LMO1: variants seen among roughly 807,000 people sequenced by gnomAD.
LMO1 encodes rhombotin-1.
LMO1 carries 10 observed loss-of-function variants against 18.0 expected under a neutral mutation model. The ratio of observed to expected loss-of-function variants is 0.55; its 90% CI spans 0.34 to 0.94. The LOEUF (loss-of-function observed/expected upper bound fraction) is 0.94, where lower values mean the gene tolerates loss of function less well. Among genes scored for constraint, LMO1 ranks in the 40% least tolerant of loss-of-function variants. The pLI, the probability that LMO1 is intolerant of heterozygous loss-of-function variation, is 0.02. For missense variants in LMO1, 183 were observed against 205.7 expected, an observed-to-expected ratio of 0.89 and a Z score of 0.68; for synonymous variants, 77 against 77.9, an observed-to-expected ratio of 0.99 and a Z score of 0.06.
At chr11:8,225,270 C>T (rs1952514031) in intron 3 of LMO1, among the ~76,000 whole-genome samples, 1 of 151,518 alleles carries the variant, frequency 6.6e-6, no homozygotes, top group African/African-American at 2.4e-5. Flanking sequence ...AAAAATTTAG[C>T]TGGTGGGCAT....
rs148421481 is a variant in LMO1 at position 8,244,405 on chromosome 11, A to G, written c.26-13901T>C. ...TAGTGGTTAATAAATTCACTTCCAG[A>G]TCAATTTGTTCACGATAGAGCCCTG... is the stretch of plus-strand genomic sequence containing the variant. On this transcript the variant is annotated intron_variant, in intron 1 of 3. Coordinates refer to ENST00000335790, the MANE Select transcript of LMO1 (RefSeq NM_002315.3). Among the ~76,000 whole-genome samples, 3 of 152,364 alleles carry G rather than the reference A, an allele frequency of 2.0e-5. No individual in the cohort carries two copies. In the East Asian group the frequency reaches 5.8e-4, roughly 29 times the overall value.
chr11:8,240,837 G>A (rs1846775708), intron 1 of LMO1, among the ~76,000 whole-genome samples: 2 of 152,136 alleles, frequency 1.3e-5, no homozygotes, highest in African/African-American at 4.8e-5. Flanking sequence ...AGGAAGGCCT[G>A]GATGTAATTC....
intron 1 of LMO1, among the ~76,000 whole-genome samples, chr11:8,232,132 C>T (rs1266150281): frequency 1.3e-5 from 2 of 152,152 alleles, no homozygotes; most frequent in African/African-American, 2.4e-5. Flanking sequence ...TGGCGCCCAC[C>T]CACAGGCTAC....
intron 1 of LMO1, among the ~76,000 whole-genome samples, chr11:8,250,618 A>T (rs79396494): frequency 0.033 from 5,032 of 152,358 alleles, 111 homozygotes; most frequent in Middle Eastern, 0.065. Flanking sequence ...TGCCAAGAAG[A>T]TGCCTCACAG....
intron 1 of LMO1, among the ~76,000 whole-genome samples, chr11:8,240,437 A>G (rs968658026): frequency 2.6e-5 from 4 of 152,210 alleles, no homozygotes; most frequent in African/African-American, 9.6e-5. Context: ...GGGCAACAGC[A>G]ACAGCCTAAG....
intron 2 of LMO1, among the ~76,000 whole-genome samples, chr11:8,227,777 C>T (rs1054228008): frequency 2.0e-5 from 3 of 152,206 alleles, no homozygotes; most frequent in Admixed American, 6.5e-5. Flanking sequence ...GTCCAGAAGG[C>T]GTGCTCTAAA....
intron 1 of LMO1, among the ~76,000 whole-genome samples, chr11:8,256,029 G>T (rs1847091677): frequency 6.6e-6 from 1 of 151,996 alleles, no homozygotes; most frequent in Admixed American, 6.5e-5. Flanking sequence ...GTTTCACCGT[G>T]TTAGCCAGGA....
At chr11:8,242,436 T>A (rs758548497) in intron 1 of LMO1, among the ~76,000 whole-genome samples, 2 of 152,186 alleles carry the variant, frequency 1.3e-5, no homozygotes, top group African/African-American at 2.4e-5. Flanking sequence ...CAAAAATGAC[T>A]ACTCTTCCCT....
At chr11:8,255,117 T>A (rs1181496176) in intron 1 of LMO1, among the ~76,000 whole-genome samples, 2 of 152,268 alleles carry the variant, frequency 1.3e-5, no homozygotes, top group South Asian at 2.1e-4. Context: ...CTCCACCCTT[T>A]GAACTTGGGC....
intron 3 of LMO1, among the ~76,000 whole-genome samples, chr11:8,225,976 A>G (rs1251708760): frequency 6.6e-6 from 1 of 152,210 alleles, no homozygotes; most frequent in East Asian, 1.9e-4. Flanking sequence ...AGGGACTCCC[A>G]CAGGGCTAGG....
At chr11:8,249,382 CTA>C (rs1382183760) in intron 1 of LMO1, among the ~76,000 whole-genome samples, 12 of 152,310 alleles carry the variant, frequency 7.9e-5, no homozygotes, top group Non-Finnish European at 1.5e-4. Flanking sequence ...TTCTCTGCCT[CTA>C]GTTTTATCCC....
At chr11:8,233,199 C>A (rs1354914962) in intron 1 of LMO1, among the ~76,000 whole-genome samples, 1 of 152,176 alleles carries the variant, frequency 6.6e-6, no homozygotes, top group African/African-American at 2.4e-5. Context: ...CCATGTCCAC[C>A]AAGACATGGA....
intron 3 of LMO1, 121 bp downstream of exon 3, chr11:8,226,854 C>A (rs1028948281): frequency 6.6e-5 from 94 of 1,430,886 alleles, no homozygotes; most frequent in Non-Finnish European, 8.1e-5. Context: ...CTGCACGCAC[C>A]ACCACATACA....
At chr11:8,268,413 C>G (rs1250238043), upstream of LMO1, 1 of 1,468,204 alleles carries the variant, frequency 6.8e-7, no homozygotes, top group African/African-American at 1.5e-5. Context: ...CGGCACCGGG[C>G]GCCGGGCACC....
intron 1 of LMO1, among the ~76,000 whole-genome samples, 163 bp from the exon 2 acceptor site, chr11:8,230,667 G>A (rs1012785236): frequency 6.6e-6 from 1 of 152,114 alleles, no homozygotes; most frequent in Non-Finnish European, 1.5e-5. Context: ...TCCTCCCCTG[G>A]CTCCGGGTCC....
intron 1 of LMO1, 72 bp from the exon 2 acceptor site, chr11:8,230,576 G>T: frequency 6.9e-7 from 1 of 1,456,758 alleles, no homozygotes; most frequent in South Asian, 1.2e-5. Context: ...TATCCCCCAA[G>T]AATGGGGAGC....
chr11:8,253,695 G>A (rs1325548647), intron 1 of LMO1, among the ~76,000 whole-genome samples: 2 of 152,096 alleles, frequency 1.3e-5, no homozygotes, highest in African/African-American at 4.8e-5. Context: ...GGCCAGCACT[G>A]CTCCCACTTG....
At position 8,227,056 on chromosome 11, in the gene LMO1, A is replaced by T; in HGVS notation, c.284T>A (p.Ile95Asn). ...CCGCATCACCATCTCGAAGGCTGGG[A>T]TCAGCTTGCTGCAAGCAGCACAGTT... is the stretch of plus-strand genomic sequence containing the variant. ...TGNCAACSKL[I>N]PAFEMVMRAR... Residue 95 changes from isoleucine to asparagine, a missense_variant, in exon 3 of 4, where the codon ATC (isoleucine) becomes AAC (asparagine). Coordinates refer to ENST00000335790, the MANE Select transcript of LMO1 (RefSeq NM_002315.3). The T allele has an allele frequency of 6.2e-7, 1 of 1,613,956 alleles. No homozygotes were observed. The highest frequency in any genetic ancestry group is 8.5e-7 in the Non-Finnish European group (1 of 1,179,884).
At chr11:8,225,017 G>C (rs77597870) in intron 3 of LMO1, among the ~76,000 whole-genome samples, 2,675 of 149,744 alleles carry the variant, frequency 0.018, 84 homozygotes, top group African/African-American at 0.063. Flanking sequence ...TGTAGGGTTA[G>C]GGGGGTTGGT....
Sources: gnomAD v4.1 joint callset for allele counts (sites outside exome capture counted in the v4.1 genomes callset) on GRCh38, gnomAD v4.1.1 for gene constraint, MANE v1.5 for transcripts, NCBI Gene and HGNC (gene_info 2026-07-23, HGNC 2026-07-21) for gene names.